GPC5: variants seen among roughly 807,000 people sequenced by gnomAD.
The protein encoded by GPC5 is glypican-5.
Under a neutral mutation model 53.9 loss-of-function variants are expected in GPC5, and 47 were observed. That is an observed-to-expected ratio of 0.87 (90% CI 0.69 to 1.11). The LOEUF (loss-of-function observed/expected upper bound fraction) is 1.11. GPC5 is among the 50% of genes most tolerant of loss of function. GPC5 has a pLI of 0.00. For synonymous variants in GPC5, 286 were observed against 263.3 expected, an observed-to-expected ratio of 1.09 and a Z score of -0.84; for missense variants, 748 against 713.1, an observed-to-expected ratio of 1.05 and a Z score of -0.56.
intron 7 of GPC5, among the ~76,000 whole-genome samples, chr13:92,757,948 G>C (rs1566404832): frequency 6.6e-6 from 1 of 151,242 alleles, no homozygotes; most frequent in Non-Finnish European, 1.5e-5. Context: ...TCTAGAACTG[G>C]AAATACCATT....
intron 7 of GPC5, among the ~76,000 whole-genome samples, chr13:92,225,865 C>T (rs9560984): frequency 2.5e-4 from 38 of 151,766 alleles, no homozygotes; most frequent in Admixed American, 2.1e-3. Flanking sequence ...ATTAGCTGAA[C>T]GTCAAGATCC....
intron 5 of GPC5, among the ~76,000 whole-genome samples, chr13:91,782,652 A>G (rs2037816529): frequency 1.3e-5 from 2 of 152,314 alleles, no homozygotes; most frequent in Admixed American, 1.3e-4. Flanking sequence ...AACCAAATCA[A>G]TAGGTATTAA....
chr13:91,596,677 G>A (rs1260626510), intron 2 of GPC5, among the ~76,000 whole-genome samples: 1 of 152,034 alleles, frequency 6.6e-6, no homozygotes, highest in Admixed American at 6.6e-5. Context: ...TTCTGGGTGG[G>A]ACAAGAATTA....
chr13:92,052,903 G>A (rs2041042090), intron 6 of GPC5, among the ~76,000 whole-genome samples: 1 of 152,068 alleles, frequency 6.6e-6, no homozygotes, highest in African/African-American at 2.4e-5. Context: ...AACCCTCAAG[G>A]GTCCCGAAAA....
intron 6 of GPC5, 87 bp downstream of exon 6, chr13:91,908,144 C>T (rs1175083428): frequency 2.7e-5 from 29 of 1,070,362 alleles, no homozygotes; most frequent in East Asian, 8.4e-5. Flanking sequence ...TTTGTTAATC[C>T]TGTCAGATAA....
rs143897696 is a variant in GPC5, at chr13:92,028,044, G to C, written c.1402-116786G>C. ...TAAAAAGTAAATGTCAATAACATTGGGGTAAATTTGGAGGGAAATACTACT... is the reference window on the plus strand; with the variant it reads ...TAAAAAGTAAATGTCAATAACATTGCGGTAAATTTGGAGGGAAATACTACT... On this transcript the variant is annotated intron_variant, in intron 6 of 7. Transcript: ENST00000377067. Among the ~76,000 whole-genome samples, 868 of 152,262 alleles carry C rather than the reference G, an allele frequency of 5.7e-3. 8 individuals carry two copies. Among genetic ancestry groups the C allele is most frequent in the African/African-American group, 0.02 (827 of 41,536 alleles).
intron 4 of GPC5, among the ~76,000 whole-genome samples, chr13:91,754,518 C>A (rs150758608): frequency 4.2e-4 from 64 of 152,142 alleles, no homozygotes; most frequent in African/African-American, 1.5e-3. Context: ...TACAATTTTA[C>A]ATCATCAATT....
chr13:92,162,504 G>T (rs1344298616), intron 7 of GPC5, among the ~76,000 whole-genome samples: 1 of 152,130 alleles, frequency 6.6e-6, no homozygotes, highest in Non-Finnish European at 1.5e-5. Context: ...GCTTCTCAAA[G>T]GAATTAAAAC....
chr13:92,133,784 G>A (rs986586600), intron 6 of GPC5, among the ~76,000 whole-genome samples: 2 of 152,062 alleles, frequency 1.3e-5, no homozygotes, highest in Admixed American at 6.6e-5. Context: ...GTCATAAAGC[G>A]AAAAGGCAAG....
intron 2 of GPC5, among the ~76,000 whole-genome samples, chr13:91,566,401 T>A (rs1280955452): frequency 6.6e-6 from 1 of 151,872 alleles, no homozygotes; most frequent in Non-Finnish European, 1.5e-5. Flanking sequence ...CTGTTTCTAC[T>A]AAAATACAAA....
At chr13:92,237,857 C>T (rs1434750671) in intron 7 of GPC5, among the ~76,000 whole-genome samples, 3 of 152,082 alleles carry the variant, frequency 2.0e-5, no homozygotes, top group Admixed American at 1.3e-4. Context: ...AACCACTAAT[C>T]TACTTTCTGT....
At chr13:92,115,428 C>T (rs1415287332) in intron 6 of GPC5, among the ~76,000 whole-genome samples, 1 of 152,114 alleles carries the variant, frequency 6.6e-6, no homozygotes, top group African/African-American at 2.4e-5. Context: ...GTTGCTTGAA[C>T]ACGGGAGGCG....
At chr13:92,052,254 G>T (rs1027323221) in intron 6 of GPC5, among the ~76,000 whole-genome samples, 1 of 152,176 alleles carries the variant, frequency 6.6e-6, no homozygotes, top group Non-Finnish European at 1.5e-5. Flanking sequence ...GTTGCCTGTA[G>T]TGTGCCCGGG....
At chr13:91,428,078 T>G (rs1235084060) in intron 1 of GPC5, among the ~76,000 whole-genome samples, 2 of 152,190 alleles carry the variant, frequency 1.3e-5, no homozygotes, top group Non-Finnish European at 2.9e-5. Context: ...TATGTCTTTA[T>G]AATAGTGTGA....
At chr13:91,494,675 AAT>A (rs1185850347) in intron 2 of GPC5, among the ~76,000 whole-genome samples, 1 of 152,144 alleles carries the variant, frequency 6.6e-6, no homozygotes, top group African/African-American at 2.4e-5. Context: ...TCTTCATCTT[AAT>A]AGACTAGTCA....
chr13:91,775,379 G>A (rs182926), intron 5 of GPC5, among the ~76,000 whole-genome samples: 56,477 of 151,868 alleles, frequency 0.37, 12,337 homozygotes, highest in African/African-American at 0.61. Context: ...CCCCCTCTGG[G>A]TTTTTATAAC....
intron 2 of GPC5, among the ~76,000 whole-genome samples, chr13:91,642,871 C>A (rs1216629006): frequency 6.6e-6 from 1 of 152,002 alleles, no homozygotes; most frequent in Non-Finnish European, 1.5e-5. Flanking sequence ...TGTAAATATT[C>A]AAGTAGTTTG....
At chr13:92,008,059 AT>A (rs33911884) in intron 6 of GPC5, among the ~76,000 whole-genome samples, 6,977 of 127,124 alleles carry the variant, frequency 0.055, 373 homozygotes, top group African/African-American at 0.19. Flanking sequence ...AATGAGAATA[AT>A]TTTTTTTTTT....
At chr13:91,697,044 A>G (rs533840470) in intron 3 of GPC5, among the ~76,000 whole-genome samples, 6 of 152,346 alleles carry the variant, frequency 3.9e-5, no homozygotes, top group African/African-American at 1.4e-4. Flanking sequence ...TGAGAATAAA[A>G]TGAACTTACA....
Sources: gnomAD v4.1 joint callset for allele counts (sites outside exome capture counted in the v4.1 genomes callset) on GRCh38, gnomAD v4.1.1 for gene constraint, MANE v1.5 for transcripts, NCBI Gene and HGNC (gene_info 2026-07-23, HGNC 2026-07-21) for gene names.